The following GRM8 variants were observed in gnomAD, a reference collection of about 807,000 sequenced individuals.
GRM8 encodes glutamate metabotropic receptor 8.
In GRM8, 47 loss-of-function variants were observed where a neutral mutation model predicts 87.2. That is an observed-to-expected ratio of 0.54 (90% CI 0.43 to 0.69). GRM8 has a LOEUF of 0.69. Ranked by LOEUF, GRM8 falls within the 30% of genes least tolerant of loss-of-function variation. The pLI, the probability that GRM8 is intolerant of heterozygous loss-of-function variation, is 0.00. For synonymous variants in GRM8, 396 were observed against 404.5 expected (o/e 0.98, Z 0.25); for missense variants, 1,019 against 1,139.2 (o/e 0.89, Z 1.52).
intron 3 of GRM8, among the ~76,000 whole-genome samples, chr7:126,922,701 C>T (rs548742997): frequency 6.6e-6 from 1 of 152,144 alleles, no homozygotes; most frequent in South Asian, 2.1e-4. Flanking sequence ...AATGTAATCC[C>T]CAATGCTGGA....
At chr7:127,159,257 C>G (rs2299543) in intron 2 of GRM8, among the ~76,000 whole-genome samples, 28,502 of 152,182 alleles carry the variant, frequency 0.19, 3,025 homozygotes, top group Non-Finnish European at 0.24. Flanking sequence ...TTAAATTAAG[C>G]ATTTTAGTCA....
chr7:127,197,872 C>T (rs1188215831), intron 2 of GRM8, among the ~76,000 whole-genome samples: 1 of 152,170 alleles, frequency 6.6e-6, no homozygotes, highest in Non-Finnish European at 1.5e-5. Flanking sequence ...AACTTACCTC[C>T]TCTGGGTGAT....
intron 8 of GRM8, among the ~76,000 whole-genome samples, chr7:126,585,055 A>G (rs1310497787): frequency 5.3e-5 from 8 of 152,234 alleles, no homozygotes; most frequent in Admixed American, 1.3e-4. Context: ...GTGAATTCTT[A>G]AACACTGTGA....
chr7:127,085,261 C>T (rs999047301), intron 3 of GRM8, among the ~76,000 whole-genome samples: 1 of 152,128 alleles, frequency 6.6e-6, no homozygotes. Flanking sequence ...GGAATAGTGC[C>T]GCAATAAACA....
chr7:126,852,962 T>C (rs1797351843), intron 6 of GRM8, among the ~76,000 whole-genome samples: 1 of 152,236 alleles, frequency 6.6e-6, no homozygotes, highest in Non-Finnish European at 1.5e-5. Context: ...GACTTAGTGT[T>C]GCTCCAAGCA....
chr7:126,947,708 C>A (rs1391694736), intron 3 of GRM8, among the ~76,000 whole-genome samples: 1 of 152,110 alleles, frequency 6.6e-6, no homozygotes, highest in African/African-American at 2.4e-5. Flanking sequence ...CATAAAACAA[C>A]CTTTTCATTC....
At chr7:127,250,015 T>C (rs7797094) in intron 1 of GRM8, among the ~76,000 whole-genome samples, 23,049 of 152,188 alleles carry the variant, frequency 0.15, 2,040 homozygotes, top group Middle Eastern at 0.29. Flanking sequence ...ATCTTTATGA[T>C]GGGCATTCTA....
chr7:127,025,841 TA>T (rs1374688379), intron 3 of GRM8, among the ~76,000 whole-genome samples: 36 of 152,052 alleles, frequency 2.4e-4, no homozygotes, highest in Non-Finnish European at 5.0e-4. Flanking sequence ...ATTAGAATCA[TA>T]TCATTTCTAG....
At chr7:127,074,847 A>G (rs184459117) in intron 3 of GRM8, among the ~76,000 whole-genome samples, 2 of 152,256 alleles carry the variant, frequency 1.3e-5, no homozygotes, top group Admixed American at 6.5e-5. Context: ...GGATTCACTG[A>G]CAGAGTCAAG....
chr7:126,529,699 C>A (rs548162292), intron 9 of GRM8, among the ~76,000 whole-genome samples: 6 of 152,084 alleles, frequency 3.9e-5, no homozygotes, highest in African/African-American at 1.4e-4. Context: ...CTGATTATCT[C>A]GATTTTATGA....
intron 2 of GRM8, among the ~76,000 whole-genome samples, 191 bp from the exon 3 acceptor site, chr7:127,106,903 T>C (rs1435218199): frequency 1.3e-5 from 2 of 152,236 alleles, no homozygotes; most frequent in African/African-American, 4.8e-5. Flanking sequence ...TTTCTCTCAA[T>C]GCACAATATT....
At chr7:126,590,704 T>C (rs1796591815) in intron 8 of GRM8, among the ~76,000 whole-genome samples, 1 of 152,122 alleles carries the variant, frequency 6.6e-6, no homozygotes, top group African/African-American at 2.4e-5. Flanking sequence ...CTAGAAGAGA[T>C]TGGGGCCCTA....
At chr7:127,239,363 GATCAAGGTTC>G (rs1798158315) in intron 2 of GRM8, among the ~76,000 whole-genome samples, 1 of 152,308 alleles carries the variant, frequency 6.6e-6, no homozygotes, top group African/African-American at 2.4e-5. Context: ...TATTCCTTAT[GATCAAGGTTC>G]ATTGCATATC....
intron 3 of GRM8, among the ~76,000 whole-genome samples, chr7:127,047,764 G>A (rs1047352262): frequency 6.6e-6 from 1 of 152,212 alleles, no homozygotes; most frequent in African/African-American, 2.4e-5. Context: ...ACCAGAGGTT[G>A]AGGTTAAGGC....
chr7:127,017,435 G>A (rs1815796470), intron 3 of GRM8, among the ~76,000 whole-genome samples: 1 of 152,010 alleles, frequency 6.6e-6, no homozygotes, highest in African/African-American at 2.4e-5. Flanking sequence ...CCTAGGTGAT[G>A]GCAATAAGAA....
At chr7:127,162,098 A>G (rs1304835667) in intron 2 of GRM8, among the ~76,000 whole-genome samples, 1 of 152,168 alleles carries the variant, frequency 6.6e-6, no homozygotes, top group South Asian at 2.1e-4. Context: ...TACAATGTTG[A>G]ACTATATAGC....
intron 3 of GRM8, among the ~76,000 whole-genome samples, chr7:127,085,363 T>A (rs1329360970): frequency 6.6e-6 from 1 of 152,212 alleles, no homozygotes; most frequent in Non-Finnish European, 1.5e-5. Flanking sequence ...GTATTTCTAG[T>A]TGTAGATCCT....
At chr7:126,831,204 G>C (rs1259270031) in intron 6 of GRM8, among the ~76,000 whole-genome samples, 2 of 152,210 alleles carry the variant, frequency 1.3e-5, no homozygotes, top group South Asian at 4.1e-4. Context: ...ATCTCCAGCT[G>C]AGTGCTGGGA....
Position 127,003,083 on chromosome 7 carries a change from C to T in GRM8, c.728-98400G>A, listed in dbSNP as rs370791186. Among the ~76,000 whole-genome samples the T allele has an allele frequency of 1.3e-4, 19 of 151,618 alleles. No homozygotes were observed. In the East Asian group the frequency reaches 2.1e-3, roughly 17 times the overall value. On this transcript the variant is annotated intron_variant, in intron 3 of 10. Coordinates refer to ENST00000339582, the MANE Select transcript of GRM8 (RefSeq NM_000845.3). ...GCCAGGGACACTTAACTTTTTAGTC[C>T]TCCAGTTAGGTGGGAGTGAGTTGAC...
Sources: allele counts gnomAD v4.1 joint callset (sites outside exome capture counted in the v4.1 genomes callset), GRCh38; gene constraint gnomAD v4.1.1; transcripts MANE v1.5; gene names NCBI Gene and HGNC (gene_info 2026-07-23, HGNC 2026-07-21).